NFIA: variants seen among roughly 807,000 people sequenced by gnomAD.
The protein encoded by NFIA is nuclear factor I A.
A neutral mutation model predicts 62.8 loss-of-function variants in NFIA; 8 were observed. That is an observed-to-expected ratio of 0.13 (90% CI 0.07 to 0.23). The LOEUF is 0.23. Ranked by LOEUF, NFIA falls within the 10% of genes least tolerant of loss-of-function variation. The pLI is 1.00. For missense variants in NFIA, 410 were observed against 642.1 expected (o/e 0.64, Z 3.91); for synonymous variants, 235 against 238.1 (o/e 0.99, Z 0.12).
chr1:61,239,417 C>T (rs112294285), intron 2 of NFIA, among the ~76,000 whole-genome samples: 1,902 of 152,092 alleles, frequency 0.013, 41 homozygotes, highest in African/African-American at 0.044. Flanking sequence ...ATCTCGTTAT[C>T]GGGACTATCA....
chr1:61,160,200 C>G (rs334710), intron 2 of NFIA, among the ~76,000 whole-genome samples: 1 of 152,050 alleles, frequency 6.6e-6, no homozygotes, highest in East Asian at 1.9e-4. Context: ...TCCCCTGTTG[C>G]GTCATCTTTA....
intron 2 of NFIA, among the ~76,000 whole-genome samples, chr1:61,234,708 C>T (rs1007130593): frequency 2.6e-5 from 4 of 152,120 alleles, no homozygotes; most frequent in African/African-American, 9.7e-5. Context: ...ATAAAACTGT[C>T]AATATTCCCT....
chr1:61,302,023 A>C (rs769978955), intron 3 of NFIA, among the ~76,000 whole-genome samples: 3 of 152,188 alleles, frequency 2.0e-5, no homozygotes, highest in Admixed American at 2.0e-4. Flanking sequence ...TGGACACACT[A>C]CTGTTGCTTA....
At chr1:61,218,470 A>G (rs998788471) in intron 2 of NFIA, among the ~76,000 whole-genome samples, 31 of 152,208 alleles carry the variant, frequency 2.0e-4, no homozygotes, top group African/African-American at 7.2e-4. Context: ...TCAGTCCTTC[A>G]TGCCAGTGGG....
intron 2 of NFIA, among the ~76,000 whole-genome samples, chr1:61,228,645 GT>G (rs985254560): frequency 1.3e-5 from 2 of 151,736 alleles, no homozygotes; most frequent in Admixed American, 1.3e-4. Context: ...CATTCATTTT[GT>G]TTTTTTCTGG....
At chr1:61,111,709 T>C (rs1646696669) in intron 2 of NFIA, among the ~76,000 whole-genome samples, 1 of 152,264 alleles carries the variant, frequency 6.6e-6, no homozygotes, top group East Asian at 1.9e-4. Flanking sequence ...ATCAAAACTT[T>C]CTGGAGCCCC....
chr1:61,165,348 C>T (rs1279248967), intron 2 of NFIA, among the ~76,000 whole-genome samples: 1 of 152,120 alleles, frequency 6.6e-6, no homozygotes, highest in East Asian at 1.9e-4. Context: ...TTAACTCAGA[C>T]ACTGGGAAAT....
At chr1:61,324,238 G>A (rs1284295070) in intron 3 of NFIA, among the ~76,000 whole-genome samples, 1 of 152,184 alleles carries the variant, frequency 6.6e-6, no homozygotes, top group African/African-American at 2.4e-5. Context: ...GACCTGCACA[G>A]CACAGGCAGT....
intron 1 of NFIA, among the ~76,000 whole-genome samples, chr1:61,083,217 G>A (rs1048821855): frequency 2.6e-5 from 4 of 152,180 alleles, no homozygotes; most frequent in Non-Finnish European, 5.9e-5. Context: ...TTCTGCTGCC[G>A]GGAGCAGGGA....
At chr1:61,162,416 A>G (rs1051475814) in intron 2 of NFIA, among the ~76,000 whole-genome samples, 6 of 152,200 alleles carry the variant, frequency 3.9e-5, no homozygotes, top group Non-Finnish European at 7.3e-5. Flanking sequence ...TCATGTTTCA[A>G]ATGTGAAAAG....
intron 7 of NFIA, among the ~76,000 whole-genome samples, chr1:61,386,275 C>T (rs889454849): frequency 6.6e-6 from 1 of 152,060 alleles, no homozygotes; most frequent in African/African-American, 2.4e-5. Flanking sequence ...GTCACATGTG[C>T]GCATAAAGGA....
intron 3 of NFIA, among the ~76,000 whole-genome samples, chr1:61,321,836 A>G (rs1020445455): frequency 6.6e-5 from 10 of 152,136 alleles, no homozygotes; most frequent in Non-Finnish European, 1.5e-4. Context: ...TCTAATAGAC[A>G]TAGTCCTTTA....
intron 2 of NFIA, among the ~76,000 whole-genome samples, chr1:61,129,695 C>T (rs1647040672): frequency 6.6e-6 from 1 of 151,490 alleles, no homozygotes; most frequent in South Asian, 2.1e-4. Flanking sequence ...AGTGATCCGC[C>T]CACCTCAGCC....
intron 2 of NFIA, among the ~76,000 whole-genome samples, chr1:61,180,587 T>C (rs2100560498): frequency 6.6e-6 from 1 of 152,274 alleles, no homozygotes; most frequent in East Asian, 1.9e-4. Context: ...ATGATAAGAA[T>C]GGCTCAGCAG....
chr1:61,152,129 G>A (rs1379099933), intron 2 of NFIA, among the ~76,000 whole-genome samples: 1 of 152,132 alleles, frequency 6.6e-6, no homozygotes, highest in Non-Finnish European at 1.5e-5. Flanking sequence ...GGATTACTCA[G>A]TACAAAGCAA....
intron 7 of NFIA, among the ~76,000 whole-genome samples, chr1:61,394,602 T>A (rs1245424651): frequency 6.6e-6 from 1 of 152,218 alleles, no homozygotes; most frequent in East Asian, 1.9e-4. Flanking sequence ...AAGCTCATTT[T>A]GTAGTAGAGG....
At chr1:61,091,743 A>T (rs1346476793) in intron 2 of NFIA, among the ~76,000 whole-genome samples, 1 of 152,220 alleles carries the variant, frequency 6.6e-6, no homozygotes, top group Non-Finnish European at 1.5e-5. Context: ...GTCACAATTT[A>T]AGTTGTTAAG....
intron 2 of NFIA, among the ~76,000 whole-genome samples, chr1:61,128,674 G>A (rs538664785): frequency 1.3e-5 from 2 of 152,160 alleles, no homozygotes; most frequent in African/African-American, 2.4e-5. Context: ...GCATAACCCC[G>A]ATCACATGTT....
chr1:61,247,543 A>AC (rs772410468), intron 2 of NFIA, among the ~76,000 whole-genome samples: 12 of 152,242 alleles, frequency 7.9e-5, no homozygotes, highest in Admixed American at 5.2e-4. Flanking sequence ...CCCACCTGGC[A>AC]CGGTCCATTG....
Sources: allele counts gnomAD v4.1 joint callset (sites outside exome capture counted in the v4.1 genomes callset), GRCh38; gene constraint gnomAD v4.1.1; transcripts MANE v1.5; gene names NCBI Gene and HGNC (gene_info 2026-07-23, HGNC 2026-07-21).